CAST: variants seen among roughly 807,000 people sequenced by gnomAD.
CAST encodes calpastatin, also known as MIR583 host.
A neutral mutation model predicts 119.6 loss-of-function variants in CAST; 76 were observed. The ratio of observed to expected loss-of-function variants is 0.64; its 90% CI spans 0.53 to 0.77. The LOEUF is 0.77. CAST is among the 30% of genes least tolerant of loss of function. CAST has a pLI of 0.00. For missense variants in CAST, 953 were observed against 946.5 expected (o/e 1.01, Z -0.09); for synonymous variants, 319 against 331.6 (o/e 0.96, Z 0.41).
At chr5:96,115,329 C>G in the CAST span, among the ~76,000 whole-genome samples, 3 of 152,206 alleles carry the variant, frequency 2.0e-5, no homozygotes, top group Non-Finnish European at 4.4e-5. Flanking sequence ...AAAACAAACC[C>G]TGTCTTATCT....
intron 1 of CAST, among the ~76,000 whole-genome samples, chr5:96,639,761 G>A (rs1277026735): frequency 6.6e-6 from 1 of 152,184 alleles, no homozygotes; most frequent in East Asian, 1.9e-4. Flanking sequence ...AACTCAGTGG[G>A]TAAAACTGAG....
At position 96,729,512 on chromosome 5, in the gene CAST, T is replaced by G. The variant is rs942080936; in HGVS notation, c.436-100T>G. ...CAGACAGCACAACTGTTATGAACAA[T>G]TTTTATTCTATAGAGAAAAGTATCA... is the stretch of plus-strand genomic sequence containing the variant. On this transcript the variant is annotated intron_variant, in intron 7 of 31. Coordinates refer to ENST00000675179, the MANE Select transcript of CAST (RefSeq NM_001750.7). 14 of 664,064 alleles carry G rather than the reference T, an allele frequency of 2.1e-5. No homozygotes were observed. The African/African-American group carries it at 2.5e-4, about 12-fold the overall frequency. 41.1% of individuals were successfully genotyped at this position (664,064 alleles called of 1,614,324 possible). A position where few individuals can be genotyped will look rare whatever the true frequency, so the allele number is the denominator to read the frequency against.
At chr5:96,655,852 A>G (rs993112272) in intron 1 of CAST, among the ~76,000 whole-genome samples, 5 of 152,226 alleles carry the variant, frequency 3.3e-5, no homozygotes, top group African/African-American at 9.6e-5. Flanking sequence ...GGGATTTTCA[A>G]TCTTCAGCCA....
chr5:96,652,624 C>T (rs1748108196), intron 1 of CAST, among the ~76,000 whole-genome samples: 1 of 152,210 alleles, frequency 6.6e-6, no homozygotes, highest in African/African-American at 2.4e-5. Context: ...TGACACACAG[C>T]ATTTGGCCTA....
chr5:96,763,089 C>T (rs549552270), intron 25 of CAST: 5 of 774,220 alleles, frequency 6.5e-6, no homozygotes, highest in African/African-American at 1.7e-5. Flanking sequence ...AACAGTGCCT[C>T]ATTTGCTAGA....
chr5:96,223,673 C>A, the CAST span, among the ~76,000 whole-genome samples: 1 of 152,126 alleles, frequency 6.6e-6, no homozygotes, highest in South Asian at 2.1e-4. Context: ...ATTTGTGGTA[C>A]TTTGTTATGG....
chr5:95,975,005 G>A, the CAST span, among the ~76,000 whole-genome samples: 1,073 of 152,252 alleles, frequency 7.0e-3, 93 homozygotes, highest in East Asian at 0.18. Context: ...CCATGAAGGA[G>A]GAGGACTGTG....
At chr5:96,347,394 C>T in the CAST span, among the ~76,000 whole-genome samples, 1 of 152,194 alleles carries the variant, frequency 6.6e-6, no homozygotes, top group African/African-American at 2.4e-5. Flanking sequence ...CCGTGCTTAT[C>T]CTTCCTTCAA....
the CAST span, among the ~76,000 whole-genome samples, chr5:96,506,153 G>A: frequency 0.011 from 1,634 of 152,316 alleles, 36 homozygotes; most frequent in African/African-American, 0.038. Flanking sequence ...GCTCTTTGAT[G>A]GCAGGAATAT....
intron 1 of CAST, among the ~76,000 whole-genome samples, chr5:96,557,381 G>A (rs1746264688): frequency 6.6e-6 from 1 of 151,942 alleles, no homozygotes; most frequent in Admixed American, 6.6e-5. Flanking sequence ...AATGTAAATG[G>A]GCTAAATGCT....
chr5:96,519,452 T>C, the CAST span, among the ~76,000 whole-genome samples: 1 of 152,238 alleles, frequency 6.6e-6, no homozygotes. Context: ...CAGCTAATTT[T>C]GTCTTTAAGT....
At chr5:96,516,051 A>T in the CAST span, among the ~76,000 whole-genome samples, 1 of 151,924 alleles carries the variant, frequency 6.6e-6, no homozygotes, top group Non-Finnish European at 1.5e-5. Flanking sequence ...GCCTCTACCC[A>T]CCTTGGTTTT....
intron 11 of CAST, among the ~76,000 whole-genome samples, chr5:96,739,544 AT>A (rs1472893518): frequency 1.3e-5 from 2 of 152,244 alleles, no homozygotes; most frequent in Non-Finnish European, 2.9e-5. Context: ...TATGTAAAAA[AT>A]GTTCTAAAAT....
chr5:96,366,346 C>T, the CAST span, among the ~76,000 whole-genome samples: 1 of 152,172 alleles, frequency 6.6e-6, no homozygotes, highest in Non-Finnish European at 1.5e-5. Context: ...GTGGCATTCT[C>T]TGTATTTCCT....
At chr5:96,495,135 A>AAGAC in the CAST span, among the ~76,000 whole-genome samples, 1 of 146,612 alleles carries the variant, frequency 6.8e-6, no homozygotes, top group South Asian at 2.2e-4. Flanking sequence ...AAAAAAAAAA[A>AAGAC]AAAAAGTGTG....
At chr5:96,111,239 CA>C in the CAST span, among the ~76,000 whole-genome samples, 2 of 152,136 alleles carry the variant, frequency 1.3e-5, no homozygotes, top group Non-Finnish European at 2.9e-5. Flanking sequence ...GTATGACAGT[CA>C]GATGAATAGG....
the CAST span, among the ~76,000 whole-genome samples, chr5:96,230,945 A>T: frequency 6.6e-6 from 1 of 152,284 alleles, no homozygotes; most frequent in Non-Finnish European, 1.5e-5. Context: ...ACGAGATACT[A>T]CTTCACATTC....
At chr5:96,141,564 G>A in the CAST span, among the ~76,000 whole-genome samples, 1 of 152,172 alleles carries the variant, frequency 6.6e-6, no homozygotes, top group Non-Finnish European at 1.5e-5. Flanking sequence ...AGGAGCAAAC[G>A]CGGACACCCA....
At chr5:96,686,993 A>G (rs540611896) in intron 2 of CAST, among the ~76,000 whole-genome samples, 2 of 152,290 alleles carry the variant, frequency 1.3e-5, no homozygotes, top group East Asian at 3.9e-4. Flanking sequence ...GCATTCTATT[A>G]TAGTTATTCA....
Sources: gnomAD v4.1 joint callset for allele counts (sites outside exome capture counted in the v4.1 genomes callset) on GRCh38, gnomAD v4.1.1 for gene constraint, MANE v1.5 for transcripts, NCBI Gene and HGNC (gene_info 2026-07-23, HGNC 2026-07-21) for gene names.